CCDC66: variants seen among roughly 807,000 people sequenced by gnomAD.
The protein encoded by CCDC66 is coiled-coil domain-containing protein 66.
Under a neutral mutation model 128.3 loss-of-function variants are expected in CCDC66, and 133 were observed. The ratio of observed to expected loss-of-function variants is 1.04; its 90% confidence interval spans 0.90 to 1.20. The LOEUF (loss-of-function observed/expected upper bound fraction) is 1.20, where lower values mean the gene tolerates loss of function less well. Ranked by LOEUF, CCDC66 falls within the 50% of genes most tolerant of loss-of-function variation. The pLI is 0.00. For synonymous variants in CCDC66, 387 were observed against 357.0 expected, an observed-to-expected ratio of 1.08 and a Z score of -0.95; for missense variants, 1,126 against 1,075.5, an observed-to-expected ratio of 1.05 and a Z score of -0.66.
At chr3:56,600,166 T>G (rs1258873598) in intron 10 of CCDC66, among the ~76,000 whole-genome samples, 1 of 122,646 alleles carries the variant, frequency 8.2e-6, no homozygotes, top group African/African-American at 3.3e-5. Context: ...TTTTTTTTTT[T>G]TGAGACAGAG....
chr3:56,573,115 A>C (rs764405433), intron 7 of CCDC66, among the ~76,000 whole-genome samples: 3 of 152,224 alleles, frequency 2.0e-5, no homozygotes, highest in Non-Finnish European at 4.4e-5. Flanking sequence ...CCAAATTTTC[A>C]GTTGAAATGT....
At chr3:56,567,298 G>A (rs2065986133) in intron 6 of CCDC66, among the ~76,000 whole-genome samples, 1 of 152,174 alleles carries the variant, frequency 6.6e-6, no homozygotes. Context: ...GCTGAGGCAG[G>A]AGAATTGCTT....
At chr3:56,559,181 GATGA>G (rs1000300512) in intron 2 of CCDC66, among the ~76,000 whole-genome samples, 1 of 152,098 alleles carries the variant, frequency 6.6e-6, no homozygotes, top group African/African-American at 2.4e-5. Flanking sequence ...CTCATTGCCT[GATGA>G]ATAATACAAG....
Position 56,567,019 on chromosome 3 carries a change from G to A in CCDC66, c.780G>A (p.Leu260=). The part of the protein sequence containing the change: ...LGERECDRSS[L]EAKKAQWRKE... ...AAAGGGAATGTGATAGAAGTTCGTT[G>A]GAAGCAAAAAAAGCCCAGTGGAGGA... The change falls in exon 6 of 18, where the codon TTG becomes TTA. Residue 260 remains leucine (L), a synonymous_variant. Coordinates refer to ENST00000394672, the MANE Select transcript of CCDC66 (RefSeq NM_001141947.3). 1 of 1,613,690 alleles carries A rather than the reference G, an allele frequency of 6.2e-7. No homozygotes were observed.
chr3:56,605,525 C>T (rs2073940939), intron 10 of CCDC66, among the ~76,000 whole-genome samples: 1 of 152,018 alleles, frequency 6.6e-6, no homozygotes, highest in Admixed American at 6.5e-5. Flanking sequence ...ATAGTCAGGC[C>T]CCTCTGCTGC....
intron 7 of CCDC66, among the ~76,000 whole-genome samples, chr3:56,591,217 C>T (rs1390538633): frequency 6.6e-6 from 1 of 152,152 alleles, no homozygotes; most frequent in East Asian, 1.9e-4. Context: ...ATTAAAGACT[C>T]AACTGAGAGA....
intron 15 of CCDC66, chr3:56,618,970 C>T (rs1054443265): frequency 1.2e-4 from 29 of 247,730 alleles, no homozygotes. Flanking sequence ...GTAATCCCAG[C>T]ACTTTGGGAG....
intron 1 of CCDC66, chr3:56,557,743 A>C (rs2064535044): frequency 6.4e-6 from 1 of 156,014 alleles, no homozygotes; most frequent in African/African-American, 2.4e-5. Context: ...AACACCTAGT[A>C]GGCGCTCCTT....
Position 56,563,824 on chromosome 3 carries a change from A to C in CCDC66, c.243A>C (p.Lys81Asn). ...KPVGSETSQA[K>N]GEKNGMTFSS... ...TTGGTTCAGAAACATCACAGGCAAA[A>C]GGTGAAAAAAATGGAATGACTTTTT... Residue 81 changes from lysine (K) to asparagine (N), a missense_variant, in exon 4 of 18, where the codon AAA becomes AAC. By Grantham distance (94) the Lys-to-Asn change is moderately conservative. Coordinates refer to ENST00000394672, the MANE Select transcript of CCDC66 (RefSeq NM_001141947.3). 1 of 1,559,346 alleles carries C rather than the reference A, an allele frequency of 6.4e-7. No homozygotes were observed. The highest frequency in any genetic ancestry group is 2.4e-5 in the East Asian group (1 of 41,376).
intron 4 of CCDC66, chr3:56,565,238 CT>C (rs2065643144): frequency 4.3e-5 from 10 of 233,554 alleles, no homozygotes; most frequent in South Asian, 2.7e-4. Flanking sequence ...TTGTATTCCC[CT>C]TTAGGTTGTG....
At chr3:56,618,374 T>A in intron 15 of CCDC66, 162 bp downstream of exon 15, 1 of 587,704 alleles carries the variant, frequency 1.7e-6, no homozygotes, top group Non-Finnish European at 2.9e-6. Flanking sequence ...AGTGTGGCAC[T>A]TTAGCAGGAG....
intron 7 of CCDC66, among the ~76,000 whole-genome samples, chr3:56,586,539 AAAAG>A (rs1391596852): frequency 2.0e-5 from 3 of 151,512 alleles, no homozygotes; most frequent in African/African-American, 7.2e-5. Flanking sequence ...CAAAAAAAAA[AAAAG>A]AAAAAAAGAA....
intron 10 of CCDC66, among the ~76,000 whole-genome samples, chr3:56,596,209 G>A (rs1191289933): frequency 6.6e-6 from 1 of 151,928 alleles, no homozygotes; most frequent in Admixed American, 6.6e-5. Flanking sequence ...ATGAGCCACC[G>A]GGCCCAGCAT....
intron 7 of CCDC66, among the ~76,000 whole-genome samples, chr3:56,574,769 ACTC>A (rs1190452808): frequency 6.6e-6 from 1 of 151,550 alleles, no homozygotes; most frequent in Admixed American, 6.6e-5. Flanking sequence ...CCAGCCTTGA[ACTC>A]CTGGGTTCAA....
intron 11 of CCDC66, 79 bp downstream of exon 11, chr3:56,613,829 G>A (rs2075159640): frequency 8.6e-7 from 1 of 1,168,974 alleles, no homozygotes; most frequent in Non-Finnish European, 1.2e-6. Flanking sequence ...TGCCCAGGTT[G>A]GAGTGCAGTG....
chr3:56,582,344 C>A (rs1281968455), intron 7 of CCDC66, among the ~76,000 whole-genome samples: 1 of 151,762 alleles, frequency 6.6e-6, no homozygotes, highest in East Asian at 2.0e-4. Context: ...AGGGAATTCC[C>A]CGACCCCTTG....
chr3:56,592,452 C>T (rs2071079621), intron 7 of CCDC66, among the ~76,000 whole-genome samples: 1 of 152,122 alleles, frequency 6.6e-6, no homozygotes, highest in Non-Finnish European at 1.5e-5. Context: ...CCTCCACCTC[C>T]CGGGTTCAAG....
intron 15 of CCDC66, chr3:56,618,516 G>A (rs1184986082): frequency 3.6e-6 from 1 of 281,434 alleles, no homozygotes; most frequent in African/African-American, 2.2e-5. Context: ...TTTGGGAGGA[G>A]GGATGGCTGG....
rs368606194 is a variant in CCDC66 at position 56,615,045 on chromosome 3, G to A, written c.1567-83G>A. On this transcript the variant is annotated intron_variant, in intron 11 of 17. Transcript: ENST00000394672. ...AACAAGTGCCTGATACATAGGAGAA[G>A]CTTAGAAAATGTTTACTGAGAGGAA... 45 of 1,432,772 alleles carry A rather than the reference G, an allele frequency of 3.1e-5. No individual in the cohort carries two copies. The Middle Eastern group carries it at 1.1e-3, about 34-fold the overall frequency. The allele number at this position is 1,432,772 out of a possible 1,614,324, so 88.8% of individuals were successfully genotyped here.
Sources: allele counts gnomAD v4.1 joint callset (sites outside exome capture counted in the v4.1 genomes callset), GRCh38; gene constraint gnomAD v4.1.1; transcripts MANE v1.5; gene names NCBI Gene and HGNC (gene_info 2026-07-23, HGNC 2026-07-21).